BRINP1: variants seen among roughly 807,000 people sequenced by gnomAD.
BRINP1 encodes the protein BMP/retinoic acid-inducible neural-specific protein 1.
In BRINP1, 17 loss-of-function variants were observed where a neutral mutation model predicts 72.9. The observed-to-expected ratio is 0.23, with a 90% CI of 0.16 to 0.35. BRINP1 has a LOEUF of 0.35. Ranked by LOEUF, BRINP1 falls within the 10% of genes least tolerant of loss-of-function variation. The pLI, the probability that BRINP1 is intolerant of heterozygous loss-of-function variation, is 1.00. For synonymous variants in BRINP1, 418 were observed against 378.5 expected, an observed-to-expected ratio of 1.10 and a Z score of -1.21; for missense variants, 850 against 1,001.6, an observed-to-expected ratio of 0.85 and a Z score of 2.04.
At chr9:119,330,363 A>C (rs748602838) in intron 1 of BRINP1, among the ~76,000 whole-genome samples, 18 of 152,052 alleles carry the variant, frequency 1.2e-4, no homozygotes, top group Non-Finnish European at 2.1e-4. Flanking sequence ...AGCATACCAA[A>C]CTTCTTACAG....
intron 7 of BRINP1, among the ~76,000 whole-genome samples, chr9:119,201,435 CAGAA>C (rs752742759): frequency 1.8e-4 from 27 of 152,082 alleles, no homozygotes; most frequent in East Asian, 7.7e-4. Flanking sequence ...TTTAGCAAAA[CAGAA>C]AGAAAGAAAG....
intron 1 of BRINP1, among the ~76,000 whole-genome samples, chr9:119,359,883 C>T (rs912219587): frequency 7.2e-5 from 11 of 152,160 alleles, no homozygotes; most frequent in African/African-American, 2.7e-4. Context: ...ACTCCAAGAA[C>T]GGCTTTAGGG....
chr9:119,252,897 A>G (rs931244661), intron 2 of BRINP1, among the ~76,000 whole-genome samples: 3 of 152,338 alleles, frequency 2.0e-5, no homozygotes, highest in South Asian at 4.1e-4. Flanking sequence ...GACGTTCACC[A>G]GCGATAGACC....
intron 2 of BRINP1, among the ~76,000 whole-genome samples, chr9:119,263,215 G>A (rs1364077470): frequency 1.3e-5 from 2 of 152,166 alleles, no homozygotes; most frequent in Non-Finnish European, 2.9e-5. Context: ...ATACAGAAAC[G>A]AGAGATTAGT....
chr9:119,269,970 A>G (rs778424118), intron 2 of BRINP1, among the ~76,000 whole-genome samples: 1 of 152,212 alleles, frequency 6.6e-6, no homozygotes, highest in Non-Finnish European at 1.5e-5. Flanking sequence ...GAAAAAAGAA[A>G]AAGTGGAACA....
intron 7 of BRINP1, among the ~76,000 whole-genome samples, chr9:119,208,094 C>G (rs150781726): frequency 6.6e-6 from 1 of 152,284 alleles, no homozygotes; most frequent in East Asian, 1.9e-4. Flanking sequence ...TCTTGTCCAT[C>G]TCTGTATTCT....
At chr9:119,254,781 A>G (rs1459343609) in intron 2 of BRINP1, among the ~76,000 whole-genome samples, 2 of 152,320 alleles carry the variant, frequency 1.3e-5, no homozygotes, top group African/African-American at 2.4e-5. Context: ...GTCCTTGTAC[A>G]GGGAAACAGT....
intron 6 of BRINP1, among the ~76,000 whole-genome samples, chr9:119,212,763 A>G (rs1484346040): frequency 6.6e-6 from 1 of 152,198 alleles, no homozygotes; most frequent in Non-Finnish European, 1.5e-5. Flanking sequence ...CTCTTCTTGG[A>G]AGTCTCAAGG....
rs1007929559 is a variant in BRINP1, at chr9:119,307,212, C to A, written c.218+5926G>T. 2.0e-5 allele frequency among the ~76,000 whole-genome samples: 3 copies of A among 151,902 alleles called. No individual in the cohort carries two copies. The East Asian group carries it at 5.8e-4, about 29-fold the overall frequency. On this transcript the variant is annotated intron_variant, in intron 2 of 7. Transcript: ENST00000265922. ...CCAAGAATCTCCCCAAATACAATTG[C>A]TAAGTGTCCCCGTAGGAAGCAAAAT...
intron 2 of BRINP1, among the ~76,000 whole-genome samples, chr9:119,301,020 G>C (rs1830933326): frequency 6.6e-6 from 1 of 152,134 alleles, no homozygotes; most frequent in Non-Finnish European, 1.5e-5. Context: ...GTTATCATTG[G>C]TAACCTGATA....
intron 5 of BRINP1, among the ~76,000 whole-genome samples, chr9:119,235,451 A>G (rs1307244839): frequency 2.0e-5 from 3 of 151,910 alleles, no homozygotes; most frequent in Admixed American, 6.6e-5. Flanking sequence ...CTTATCCTAT[A>G]TATCTTTTTG....
intron 3 of BRINP1, among the ~76,000 whole-genome samples, chr9:119,244,288 C>T (rs766768120): frequency 1.1e-4 from 16 of 152,148 alleles, no homozygotes; most frequent in South Asian, 6.2e-4. Flanking sequence ...TCCTTTGGCC[C>T]CCACAGCAAC....
intron 6 of BRINP1, among the ~76,000 whole-genome samples, chr9:119,212,325 T>G (rs1829937389): frequency 6.6e-6 from 1 of 152,258 alleles, no homozygotes; most frequent in Admixed American, 6.5e-5. Context: ...TGGTACACAG[T>G]GGCTCCTAGG....
At chr9:119,319,232 C>A (rs1425526362) in intron 1 of BRINP1, among the ~76,000 whole-genome samples, 1 of 152,154 alleles carries the variant, frequency 6.6e-6, no homozygotes, top group East Asian at 1.9e-4. Flanking sequence ...TCTCATTCTG[C>A]CACATTGTCT....
intron 5 of BRINP1, 75 bp downstream of exon 5, chr9:119,238,580 C>T: frequency 2.3e-6 from 2 of 866,694 alleles, no homozygotes; most frequent in Non-Finnish European, 3.7e-6. Flanking sequence ...CTCCATCCCT[C>T]CTGATCCCCT....
intron 1 of BRINP1, among the ~76,000 whole-genome samples, chr9:119,347,798 C>G (rs969597191): frequency 2.0e-5 from 3 of 152,104 alleles, no homozygotes; most frequent in Non-Finnish European, 2.9e-5. Context: ...ACCTAATAAA[C>G]CTTTTATTTT....
intron 1 of BRINP1, among the ~76,000 whole-genome samples, chr9:119,327,927 G>T (rs1831255750): frequency 1.3e-5 from 2 of 152,036 alleles, no homozygotes; most frequent in South Asian, 2.1e-4. Context: ...AAAAGAAGAA[G>T]AAAGGCCAGG....
intron 5 of BRINP1, among the ~76,000 whole-genome samples, chr9:119,218,693 C>A (rs913688102): frequency 4.6e-5 from 7 of 151,510 alleles, no homozygotes; most frequent in Non-Finnish European, 1.0e-4. Flanking sequence ...CCTGTGGTGG[C>A]TCCAGCACAG....
At chr9:119,272,864 A>T (rs1246097984) in intron 2 of BRINP1, among the ~76,000 whole-genome samples, 2 of 152,184 alleles carry the variant, frequency 1.3e-5, no homozygotes, top group African/African-American at 2.4e-5. Flanking sequence ...TATTGATTGA[A>T]AGTAATTTGA....
Sources: gnomAD v4.1 joint callset for allele counts (sites outside exome capture counted in the v4.1 genomes callset) on GRCh38, gnomAD v4.1.1 for gene constraint, MANE v1.5 for transcripts, NCBI Gene and HGNC (gene_info 2026-07-23, HGNC 2026-07-21) for gene names.